The following RBMS3 variants were observed in gnomAD, a reference collection of about 807,000 sequenced individuals.
The protein encoded by RBMS3 is RNA-binding motif, single-stranded-interacting protein 3.
RBMS3 carries 27 observed loss-of-function variants against 66.8 expected under a neutral mutation model. That is an observed-to-expected ratio of 0.40 (90% confidence interval 0.30 to 0.56). RBMS3 has a LOEUF of 0.56. RBMS3 is among the 20% of genes least tolerant of loss of function. RBMS3 has a pLI of 0.40. For synonymous variants in RBMS3, 188 were observed against 183.0 expected, an observed-to-expected ratio of 1.03 and a Z score of -0.22; for missense variants, 513 against 549.5, an observed-to-expected ratio of 0.93 and a Z score of 0.66.
chr3:29,960,313 C>T (rs142972897), intron 12 of RBMS3, among the ~76,000 whole-genome samples: 25 of 152,300 alleles, frequency 1.6e-4, no homozygotes, highest in Non-Finnish European at 3.1e-4. Flanking sequence ...GTCTCACATC[C>T]AGGGATGTGG....
intron 2 of RBMS3, among the ~76,000 whole-genome samples, chr3:29,463,035 T>C (rs1277033291): frequency 6.6e-6 from 1 of 152,176 alleles, no homozygotes; most frequent in Non-Finnish European, 1.5e-5. Context: ...GCACATGAAC[T>C]ACTAAAATCT....
chr3:29,448,993 C>G (rs931720707), intron 2 of RBMS3, among the ~76,000 whole-genome samples: 1 of 152,090 alleles, frequency 6.6e-6, no homozygotes, highest in Non-Finnish European at 1.5e-5. Flanking sequence ...AGTTGTTGAA[C>G]TAGACCTTAC....
At chr3:29,491,428 CT>C (rs2043539352) in intron 3 of RBMS3, among the ~76,000 whole-genome samples, 1 of 152,190 alleles carries the variant, frequency 6.6e-6, no homozygotes, top group South Asian at 2.1e-4. Flanking sequence ...ATTTACATCT[CT>C]CTTTGTTTTT....
At chr3:29,415,265 A>G (rs1364384457) in intron 1 of RBMS3, among the ~76,000 whole-genome samples, 1 of 152,336 alleles carries the variant, frequency 6.6e-6, no homozygotes, top group African/African-American at 2.4e-5. Flanking sequence ...TTATTGAGTA[A>G]TAGGTACTCA....
At chr3:29,908,052 A>C (rs751827449) in intron 10 of RBMS3, among the ~76,000 whole-genome samples, 26 of 152,024 alleles carry the variant, frequency 1.7e-4, no homozygotes, top group Non-Finnish European at 2.4e-4. Flanking sequence ...GTTTGAGACC[A>C]GCCTGGGGCA....
Position 29,976,963 on chromosome 3 carries a change from A to C in RBMS3, c.1099-11180A>C, listed in dbSNP as rs4680862. Among the ~76,000 whole-genome samples, 2,168 of 152,252 alleles carry C rather than the reference A, an allele frequency of 0.014. 131 individuals carry two copies. In the East Asian group the frequency reaches 0.14, roughly 10 times the overall value. ...TCCCCAAGCTTTCTTTGTTAAAAGA[A>C]ATTTTGAACTACTTGCTTTTGAAAG... On this transcript the variant is annotated intron_variant, in intron 12 of 14. Transcript: ENST00000383767.
chr3:29,749,153 G>T (rs1476516795), intron 5 of RBMS3, among the ~76,000 whole-genome samples: 1 of 152,138 alleles, frequency 6.6e-6, no homozygotes, highest in Non-Finnish European at 1.5e-5. Flanking sequence ...CTGTTCCACT[G>T]GTGAGTACAC....
chr3:29,608,653 C>T lies in RBMS3; in HGVS notation c.399+21448C>T, dbSNP rs141637936. 1.3e-3 allele frequency among the ~76,000 whole-genome samples: 198 copies of T among 151,904 alleles called. 1 individual carries two copies. Among genetic ancestry groups the T allele is most frequent in the African/African-American group, 4.6e-3 (192 of 41,464 alleles). ...GCATGCATGTATTAAACTGCATGAA[C>T]GAGCTGAGATGAGAGAAGAATATAG... On this transcript the variant is annotated intron_variant, in intron 4 of 14. Transcript: ENST00000383767.
intron 1 of RBMS3, among the ~76,000 whole-genome samples, chr3:29,323,138 A>G (rs1280099080): frequency 6.6e-6 from 1 of 152,178 alleles, no homozygotes; most frequent in African/African-American, 2.4e-5. Flanking sequence ...CACTGGTGTA[A>G]TCTCCACCTT....
intron 4 of RBMS3, among the ~76,000 whole-genome samples, chr3:29,687,641 T>C (rs533288786): frequency 2.0e-5 from 3 of 152,314 alleles, no homozygotes; most frequent in Non-Finnish European, 2.9e-5. Context: ...TTTCGGGGTA[T>C]GCTGTGTTGG....
At chr3:29,661,333 C>T (rs898762071) in intron 4 of RBMS3, among the ~76,000 whole-genome samples, 1 of 152,162 alleles carries the variant, frequency 6.6e-6, no homozygotes, top group African/African-American at 2.4e-5. Context: ...TCTCTTTGAG[C>T]TGTTGCCTAC....
intron 4 of RBMS3, among the ~76,000 whole-genome samples, chr3:29,702,761 A>G (rs1346711179): frequency 2.0e-5 from 3 of 152,118 alleles, no homozygotes; most frequent in African/African-American, 7.2e-5. Context: ...TTACTCCTGA[A>G]GCCAGCGAGA....
At chr3:29,618,531 G>A (rs2048750147) in intron 4 of RBMS3, among the ~76,000 whole-genome samples, 1 of 151,682 alleles carries the variant, frequency 6.6e-6, no homozygotes, top group African/African-American at 2.4e-5. Flanking sequence ...AAAAAAAATA[G>A]CACAGAGCAA....
At chr3:29,720,349 G>A (rs1298174419) in intron 4 of RBMS3, among the ~76,000 whole-genome samples, 5 of 152,102 alleles carry the variant, frequency 3.3e-5, no homozygotes, top group Admixed American at 2.6e-4. Flanking sequence ...CAGGCACCCA[G>A]TGAATGTGTA....
At chr3:29,609,303 T>C (rs959769327) in intron 4 of RBMS3, among the ~76,000 whole-genome samples, 8 of 151,982 alleles carry the variant, frequency 5.3e-5, no homozygotes, top group Admixed American at 1.3e-4. Context: ...AACTGCAGTA[T>C]TGGACTGGCA....
chr3:29,400,580 T>G (rs751710154), intron 1 of RBMS3, among the ~76,000 whole-genome samples: 10 of 151,872 alleles, frequency 6.6e-5, no homozygotes, highest in Non-Finnish European at 1.3e-4. Context: ...TAGATTTTGT[T>G]TATTCTACCA....
chr3:29,451,821 T>C (rs929719872), intron 2 of RBMS3, among the ~76,000 whole-genome samples: 2 of 152,214 alleles, frequency 1.3e-5, no homozygotes, highest in African/African-American at 4.8e-5. Context: ...CAACTGTTTT[T>C]CAAGAAAGTT....
intron 6 of RBMS3, among the ~76,000 whole-genome samples, chr3:29,816,356 C>T (rs1031445062): frequency 6.7e-6 from 1 of 148,742 alleles, no homozygotes. Flanking sequence ...ACACATTTCA[C>T]TGGACAGACC....
chr3:29,809,085 G>A (rs919782384), intron 6 of RBMS3, among the ~76,000 whole-genome samples: 7 of 151,636 alleles, frequency 4.6e-5, no homozygotes, highest in Middle Eastern at 3.2e-3. Context: ...ACTGATTTGC[G>A]TTTATTTCAT....
Sources: allele counts gnomAD v4.1 joint callset (sites outside exome capture counted in the v4.1 genomes callset), GRCh38; gene constraint gnomAD v4.1.1; transcripts MANE v1.5; gene names NCBI Gene and HGNC (gene_info 2026-07-23, HGNC 2026-07-21).